ZNF704: variants seen among roughly 807,000 people sequenced by gnomAD.
ZNF704 encodes glucocorticoid induced gene 1.
Under a neutral mutation model 44.7 loss-of-function variants are expected in ZNF704, and 10 were observed. The ratio of observed to expected loss-of-function variants is 0.22; its 90% CI spans 0.14 to 0.38. The LOEUF (loss-of-function observed/expected upper bound fraction) is 0.38, where lower values mean the gene tolerates loss of function less well. Ranked by LOEUF, ZNF704 falls within the 10% of genes least tolerant of loss-of-function variation. The pLI is 1.00. For missense variants in ZNF704, 390 were observed against 545.5 expected (o/e 0.71, Z 2.84); for synonymous variants, 211 against 207.6 (o/e 1.02, Z -0.14).
intron 5 of ZNF704, among the ~76,000 whole-genome samples, chr8:80,668,027 G>C (rs183421930): frequency 6.6e-4 from 100 of 152,310 alleles, no homozygotes; most frequent in African/African-American, 2.2e-3. Flanking sequence ...ACCAGGAAAA[G>C]TAGCTTCTTA....
At chr8:80,665,119 A>G in intron 5 of ZNF704, 37 bp from the exon 6 acceptor site, 1 of 1,601,060 alleles carries the variant, frequency 6.2e-7, no homozygotes, top group Non-Finnish European at 8.5e-7. Context: ...ATACTAAGCC[A>G]ATCTGTTTTC....
At chr8:80,764,501 G>A (rs1238023481) in intron 2 of ZNF704, among the ~76,000 whole-genome samples, 3 of 152,144 alleles carry the variant, frequency 2.0e-5, no homozygotes, top group African/African-American at 7.2e-5. Flanking sequence ...CTCGACACAT[G>A]GGGATTACAA....
intron 2 of ZNF704, chr8:80,776,581 G>T (rs1289553655): frequency 2.0e-5 from 3 of 152,054 alleles, no homozygotes; most frequent in Admixed American, 6.6e-5. Context: ...TTCTAGATTA[G>T]TCTTTAAAAA....
Position 80,783,443 on chromosome 8 carries a change from C to T in ZNF704, c.221+37931G>A, listed in dbSNP as rs551999074. 6.6e-5 allele frequency among the ~76,000 whole-genome samples: 10 copies of T among 152,208 alleles called. No homozygotes were observed. In the South Asian group the frequency reaches 1.9e-3, roughly 28 times the overall value. On this transcript the variant is annotated intron_variant, in intron 2 of 8. Transcript: ENST00000327835. ...TAATCCCATCACCTAGGTATTAAGCCCAGCAACTGACTTAAGTCCATTCTT... is the reference window on the plus strand; with the variant it reads ...TAATCCCATCACCTAGGTATTAAGCTCAGCAACTGACTTAAGTCCATTCTT...
chr8:80,723,540 T>C (rs1212385671), intron 2 of ZNF704, among the ~76,000 whole-genome samples: 2 of 152,188 alleles, frequency 1.3e-5, no homozygotes, highest in Admixed American at 1.3e-4. Context: ...AAGTAAAATT[T>C]CTGCCAGTTA....
intron 2 of ZNF704, among the ~76,000 whole-genome samples, chr8:80,697,524 C>T (rs554842604): frequency 1.9e-4 from 29 of 152,276 alleles, no homozygotes; most frequent in East Asian, 1.2e-3. Context: ...GAGGCAGCAA[C>T]GGTAATGATT....
intron 4 of ZNF704, among the ~76,000 whole-genome samples, chr8:80,686,177 T>C (rs1245517073): frequency 6.6e-6 from 1 of 152,212 alleles, no homozygotes; most frequent in East Asian, 1.9e-4. Context: ...CAGGCAGATC[T>C]GGGTTTGAAT....
chr8:80,737,709 TTATGA>T (rs1312792810), intron 2 of ZNF704, among the ~76,000 whole-genome samples: 2 of 152,204 alleles, frequency 1.3e-5, no homozygotes. Context: ...TTTTCTGGAC[TTATGA>T]TAGATTTAAG....
chr8:80,762,165 C>G (rs990093568), intron 2 of ZNF704, among the ~76,000 whole-genome samples: 22 of 152,142 alleles, frequency 1.4e-4, no homozygotes, highest in African/African-American at 4.1e-4. Context: ...ATTTATACCT[C>G]CAGTATTGGA....
intron 2 of ZNF704, among the ~76,000 whole-genome samples, chr8:80,780,790 C>A (rs983132229): frequency 8.5e-5 from 13 of 152,054 alleles, no homozygotes; most frequent in African/African-American, 2.7e-4. Context: ...CCCTAGACCC[C>A]CAAGAGGGAG....
At chr8:80,847,855 G>A (rs144460423) in intron 1 of ZNF704, among the ~76,000 whole-genome samples, 3 of 152,292 alleles carry the variant, frequency 2.0e-5, no homozygotes, top group African/African-American at 7.2e-5. Context: ...CAGCCACTAT[G>A]GAAAGCACTG....
chr8:80,762,572 G>A (rs1807150953), intron 2 of ZNF704, among the ~76,000 whole-genome samples: 1 of 152,146 alleles, frequency 6.6e-6, no homozygotes, highest in Admixed American at 6.5e-5. Context: ...GACATGTGGG[G>A]ATTACAGGTC....
chr8:80,827,645 G>C (rs1164226951), intron 1 of ZNF704, among the ~76,000 whole-genome samples: 1 of 152,194 alleles, frequency 6.6e-6, no homozygotes, highest in African/African-American at 2.4e-5. Context: ...CAAGGCTGGA[G>C]GCATCACGCT....
At chr8:80,775,984 A>T (rs1419449337) in intron 2 of ZNF704, among the ~76,000 whole-genome samples, 1 of 152,222 alleles carries the variant, frequency 6.6e-6, no homozygotes, top group African/African-American at 2.4e-5. Flanking sequence ...TTATGCACAC[A>T]ATTTTTCAAA....
At chr8:80,790,620 C>G (rs184871917) in intron 2 of ZNF704, among the ~76,000 whole-genome samples, 7 of 152,026 alleles carry the variant, frequency 4.6e-5, no homozygotes, top group African/African-American at 1.7e-4. Flanking sequence ...CAGCAGGAAC[C>G]CAGGGAGGAG....
intron 1 of ZNF704, among the ~76,000 whole-genome samples, chr8:80,843,967 A>ATG (rs1366207672): frequency 7.5e-5 from 10 of 132,812 alleles, no homozygotes; most frequent in South Asian, 4.7e-4. Flanking sequence ...GTGTATATAT[A>ATG]TGTGTATATA....
intron 4 of ZNF704, among the ~76,000 whole-genome samples, chr8:80,672,646 G>A (rs1209055544): frequency 1.3e-5 from 2 of 152,200 alleles, no homozygotes; most frequent in Non-Finnish European, 2.9e-5. Context: ...TATCCTAAGT[G>A]AATTGATGCG....
At chr8:80,717,549 T>G (rs1345159273) in intron 2 of ZNF704, among the ~76,000 whole-genome samples, 1 of 152,234 alleles carries the variant, frequency 6.6e-6, no homozygotes, top group Non-Finnish European at 1.5e-5. Flanking sequence ...CAAAAACCTT[T>G]GCTGCCTCCC....
intron 2 of ZNF704, among the ~76,000 whole-genome samples, chr8:80,728,011 TA>T (rs1432692311): frequency 6.6e-6 from 1 of 152,152 alleles, no homozygotes; most frequent in Non-Finnish European, 1.5e-5. Context: ...GGGCATGAGT[TA>T]CAGTCTGTGT....
Sources: allele counts gnomAD v4.1 joint callset (sites outside exome capture counted in the v4.1 genomes callset), GRCh38; gene constraint gnomAD v4.1.1; transcripts MANE v1.5; gene names NCBI Gene and HGNC (gene_info 2026-07-23, HGNC 2026-07-21).